BTBD16: variants seen among roughly 807,000 people sequenced by gnomAD.
BTBD16 encodes BTB domain containing 16.
In BTBD16, 66 loss-of-function variants were observed where a neutral mutation model predicts 67.4. That is an observed-to-expected ratio of 0.98 (90% CI 0.80 to 1.20). The LOEUF (loss-of-function observed/expected upper bound fraction) is 1.20. BTBD16 is among the 50% of genes most tolerant of loss of function. The pLI, the probability that BTBD16 is intolerant of heterozygous loss-of-function variation, is 0.00. For synonymous variants in BTBD16, 242 were observed against 236.4 expected (o/e 1.02, Z -0.22); for missense variants, 634 against 616.0 (o/e 1.03, Z -0.31).
At chr10:122,302,909 A>G (rs963432148) in intron 9 of BTBD16, among the ~76,000 whole-genome samples, 1 of 152,092 alleles carries the variant, frequency 6.6e-6, no homozygotes, top group African/African-American at 2.4e-5. Context: ...TGGGATTTGA[A>G]CCCACGTCTG....
intron 7 of BTBD16, among the ~76,000 whole-genome samples, chr10:122,292,864 T>C (rs986575431): frequency 2.6e-5 from 4 of 152,364 alleles, no homozygotes; most frequent in South Asian, 2.1e-4. Context: ...AAAATTAGTA[T>C]CTATAATAAG....
chr10:122,278,322 C>T (rs1032014175), intron 3 of BTBD16, among the ~76,000 whole-genome samples: 1 of 152,140 alleles, frequency 6.6e-6, no homozygotes, highest in African/African-American at 2.4e-5. Flanking sequence ...CTGGAATCTC[C>T]ACTTCTTCAC....
chr10:122,283,246 G>A (rs961381060), intron 3 of BTBD16, among the ~76,000 whole-genome samples: 1 of 152,230 alleles, frequency 6.6e-6, no homozygotes, highest in African/African-American at 2.4e-5. Context: ...TTAGACGAAG[G>A]CTATAGCAAG....
intron 3 of BTBD16, among the ~76,000 whole-genome samples, chr10:122,282,089 C>A (rs2096354360): frequency 6.6e-6 from 1 of 152,156 alleles, no homozygotes; most frequent in Non-Finnish European, 1.5e-5. Flanking sequence ...GCCCTCACAC[C>A]CAGGAGAAGG....
chr10:122,309,722 C>G (rs575842061), intron 10 of BTBD16, among the ~76,000 whole-genome samples: 1 of 151,594 alleles, frequency 6.6e-6, no homozygotes, highest in East Asian at 2.0e-4. Flanking sequence ...GATCCTCCCA[C>G]TTGGCCTCCC....
intron 10 of BTBD16, among the ~76,000 whole-genome samples, chr10:122,311,932 A>G (rs760141715): frequency 2.6e-5 from 4 of 152,238 alleles, no homozygotes; most frequent in Non-Finnish European, 5.9e-5. Context: ...ACAATAATGT[A>G]TCTGTAAAAT....
chr10:122,328,339 C>T (rs2096448975), intron 10 of BTBD16, among the ~76,000 whole-genome samples: 1 of 152,134 alleles, frequency 6.6e-6, no homozygotes, highest in African/African-American at 2.4e-5. Context: ...CTGCTCTGTC[C>T]ACCTCCAGAG....
At chr10:122,302,823 G>A (rs1303291403) in intron 9 of BTBD16, among the ~76,000 whole-genome samples, 1 of 152,156 alleles carries the variant, frequency 6.6e-6, no homozygotes, top group Admixed American at 6.5e-5. Flanking sequence ...GATACTGTTG[G>A]TGTTTCTTGC....
In BTBD16 at chr10:122,323,892, A is replaced by G. The variant is rs538159073; in HGVS notation, c.912-5588A>G. 2.6e-5 allele frequency among the ~76,000 whole-genome samples: 4 copies of G among 152,296 alleles called. No homozygotes were observed. In the South Asian group the frequency reaches 6.2e-4, roughly 24 times the overall value. On this transcript the variant is annotated intron_variant, in intron 10 of 15. Transcript: ENST00000260723. The stretch of plus-strand genomic sequence containing the variant: ...AGGTCTTCTGACACTCTTAGCTCTT[A>G]GGATCAAGGGCAAATCATAACAGAC...
rs1262912761 is a variant in BTBD16 at position 122,271,300 on chromosome 10, C to A, written c.-257C>A. On this transcript the variant is annotated 5_prime_UTR_variant, in exon 1 of 16. Coordinates refer to ENST00000260723, the MANE Select transcript of BTBD16 (RefSeq NM_144587.5). Reference sequence around the variant, plus strand: ...CCTGCCGTTGCCGTGGTGCTCACAACCACCCAGGAAACCAAGGCAAGCTCC... The same window carrying A: ...CCTGCCGTTGCCGTGGTGCTCACAAACACCCAGGAAACCAAGGCAAGCTCC... 1 of 152,298 alleles carries A rather than the reference C, an allele frequency of 6.6e-6. No homozygotes were observed. The highest frequency in any genetic ancestry group is 1.5e-5 in the Non-Finnish European group (1 of 68,082). The allele number at this position is 152,298 out of a possible 1,614,324, so 9.4% of individuals were successfully genotyped here.
chr10:122,290,117 T>G lies in BTBD16; in HGVS notation c.475+119T>G, dbSNP rs931076295. 10 of 671,960 alleles carry G rather than the reference T, an allele frequency of 1.5e-5. No individual in the cohort carries two copies. The South Asian group carries it at 2.1e-4, about 14-fold the overall frequency. 41.6% of individuals were successfully genotyped at this position (671,960 alleles called of 1,614,324 possible). A position where few individuals can be genotyped will look rare whatever the true frequency, so the allele number is the denominator to read the frequency against. ...CCAACAGTAGACAGTGTTCAGTGCT[T>G]TCTTATTAAAAAGGCCCGAACGTGC... On this transcript the variant is annotated intron_variant, in intron 6 of 15. Transcript: ENST00000260723.
chr10:122,336,502 GCA>G lies in BTBD16; in HGVS notation c.1277_1278del (p.Thr426ArgfsTer25). The G allele has an allele frequency of 6.2e-7, 1 of 1,605,626 alleles. No individual in the cohort carries two copies. The highest frequency in any genetic ancestry group is 1.1e-5 in the South Asian group (1 of 89,914). ...SYSFYMQRIKHTDLESPSAVY... is the reference protein window; with the variant it reads ...SYSFYMQRIKXTDLESPSAVY... ...AATCACTCTCTTTGCAGAGAATAAAGCACACAGACCTGGAATCTCCCTCTGCG... is the reference window on the plus strand; with the variant it reads ...AATCACTCTCTTTGCAGAGAATAAAGCACAGACCTGGAATCTCCCTCTGCG... On this transcript the variant is annotated frameshift_variant, in exon 15 of 16. Coordinates refer to ENST00000260723, the MANE Select transcript of BTBD16 (RefSeq NM_144587.5). LOFTEE classifies it high-confidence loss of function.
chr10:122,315,806 T>C (rs1207325154), intron 10 of BTBD16, among the ~76,000 whole-genome samples: 2 of 152,252 alleles, frequency 1.3e-5, no homozygotes, highest in Admixed American at 1.3e-4. Context: ...TAACAAACTT[T>C]ATCTTTTTAG....
chr10:122,329,842 A>G (rs2096452309), intron 11 of BTBD16, among the ~76,000 whole-genome samples: 1 of 152,092 alleles, frequency 6.6e-6, no homozygotes, highest in South Asian at 2.1e-4. Flanking sequence ...ACGGCTGCCA[A>G]GGGCTGTTTT....
chr10:122,276,722 T>C (rs544407828), intron 2 of BTBD16, 69 bp from the exon 3 acceptor site: 1 of 1,576,564 alleles, frequency 6.3e-7, no homozygotes, highest in Non-Finnish European at 8.6e-7. Flanking sequence ...TGCTATACAA[T>C]TTGGAAAATC....
intron 7 of BTBD16, among the ~76,000 whole-genome samples, chr10:122,295,962 C>CT (rs144587384): frequency 0.04 from 6,115 of 151,840 alleles, 380 homozygotes; most frequent in East Asian, 0.23. Flanking sequence ...CACCAATTTT[C>CT]TTTTTTTTAA....
intron 10 of BTBD16, chr10:122,328,692 G>C (rs891947687): frequency 1.1e-6 from 1 of 929,830 alleles, no homozygotes; most frequent in Admixed American, 6.2e-5. Flanking sequence ...CATTTCCAAA[G>C]GGACTTGGAA....
At chr10:122,295,309 G>C in intron 7 of BTBD16, 1 of 985,436 alleles carries the variant, frequency 1.0e-6, no homozygotes, top group Non-Finnish European at 1.2e-6. Context: ...AGTCAAAGGG[G>C]GAGAAAGAGG....
At chr10:122,279,547 T>C (rs926299092) in intron 3 of BTBD16, among the ~76,000 whole-genome samples, 121 of 42,580 alleles carry the variant, frequency 2.8e-3, no homozygotes, top group Non-Finnish European at 7.5e-3. Flanking sequence ...CACACACACA[T>C]CTTTTCTTTG....
Sources: gnomAD v4.1 joint callset for allele counts (sites outside exome capture counted in the v4.1 genomes callset) on GRCh38, gnomAD v4.1.1 for gene constraint, MANE v1.5 for transcripts, NCBI Gene and HGNC (gene_info 2026-07-23, HGNC 2026-07-21) for gene names.